SFMBT2: variants seen among roughly 807,000 people sequenced by gnomAD.
The protein encoded by SFMBT2 is scm-like with four MBT domains protein 2.
Under a neutral mutation model 110.1 loss-of-function variants are expected in SFMBT2, and 38 were observed. That is an observed-to-expected ratio of 0.35 (90% CI 0.27 to 0.45). The LOEUF (loss-of-function observed/expected upper bound fraction) is 0.45, where lower values mean the gene tolerates loss of function less well. Ranked by LOEUF, SFMBT2 falls within the 20% of genes least tolerant of loss-of-function variation. SFMBT2 has a pLI of 1.00. For synonymous variants in SFMBT2, 425 were observed against 425.4 expected (o/e 1.00, Z 0.01); for missense variants, 1,011 against 1,094.9 (o/e 0.92, Z 1.08).
At chr10:7,213,440 C>T (rs1304260773) in intron 11 of SFMBT2, among the ~76,000 whole-genome samples, 2 of 151,574 alleles carry the variant, frequency 1.3e-5, no homozygotes, top group African/African-American at 2.4e-5. Context: ...GGCGGAGGTC[C>T]GGACTGAAGT....
At chr10:7,311,865 A>G (rs979490581) in intron 4 of SFMBT2, among the ~76,000 whole-genome samples, 4 of 152,210 alleles carry the variant, frequency 2.6e-5, no homozygotes, top group African/African-American at 9.7e-5. Context: ...CAATTCCTGA[A>G]AAGGTCATTT....
At chr10:7,182,457 A>G (rs1188902536) in intron 16 of SFMBT2, among the ~76,000 whole-genome samples, 1 of 152,136 alleles carries the variant, frequency 6.6e-6, no homozygotes, top group Non-Finnish European at 1.5e-5. Flanking sequence ...GATGTGTGAA[A>G]AGAACAACCC....
intron 5 of SFMBT2, 115 bp from the exon 6 acceptor site, chr10:7,284,265 C>G: frequency 2.7e-6 from 4 of 1,505,054 alleles, no homozygotes; most frequent in South Asian, 1.4e-5. Flanking sequence ...TACTGGCGAA[C>G]AGTCTGGCGT....
At chr10:7,204,010 C>A (rs1328648975) in intron 12 of SFMBT2, 3 of 241,812 alleles carry the variant, frequency 1.2e-5, no homozygotes, top group African/African-American at 6.9e-5. Context: ...AGCCACCACG[C>A]CTGGCCAGAA....
rs761888158 is a variant in SFMBT2 at position 7,172,066 on chromosome 10, C to T, written c.2244G>A (p.Ser748=). ...GCCGGGCCGAGGGCACCTCCGCCGA[C>T]GAGGTGTCCGTCTGGTCATCCCGGA... The part of the protein sequence containing the change: ...SELRDDQTDT[S]SAEVPSARPR... The change falls in exon 19 of 21, where the codon TCG becomes TCA. Residue 748 remains serine, a synonymous_variant. Transcript: ENST00000397167. The surrounding 1 kb of genome is among the most constrained non-coding windows in gnomAD (Gnocchi z 4.6). 6.9e-5 allele frequency: 110 copies of T among 1,604,598 alleles called. No individual in the cohort carries two copies. The Admixed American group carries it at 1.4e-3, about 20-fold the overall frequency.
Position 7,411,014 on chromosome 10 carries a change from C to T in SFMBT2, c.-205G>A, listed in dbSNP as rs1219310682. Among the ~76,000 whole-genome samples, 1 of 150,894 alleles carries T rather than the reference C, an allele frequency of 6.6e-6. No individual in the cohort carries two copies. The highest frequency in any genetic ancestry group is 1.5e-5 in the Non-Finnish European group (1 of 67,708). ...GCGCCCGCTCCGGTCCTCCGGCTCC[C>T]ACTACAGCTCATTCCAATATGGCAT... On this transcript the variant is annotated 5_prime_UTR_variant, in exon 1 of 21. Transcript: ENST00000397167.
chr10:7,168,890 G>C (rs916527833), intron 20 of SFMBT2, among the ~76,000 whole-genome samples: 1 of 152,190 alleles, frequency 6.6e-6, no homozygotes, highest in African/African-American at 2.4e-5. Context: ...GAGTTGTCCA[G>C]ACAGGAAGGG....
At chr10:7,296,012 C>T (rs55824097) in intron 4 of SFMBT2, among the ~76,000 whole-genome samples, 11,048 of 152,214 alleles carry the variant, frequency 0.073, 536 homozygotes, top group Non-Finnish European at 0.11. Flanking sequence ...AAACCATTTA[C>T]GACTTTCTCA....
chr10:7,214,462 T>C (rs1052208446), intron 11 of SFMBT2: 6 of 710,264 alleles, frequency 8.4e-6, no homozygotes, highest in South Asian at 6.4e-5. Context: ...CACCGGACAA[T>C]TGCAGAGTGA....
intron 4 of SFMBT2, among the ~76,000 whole-genome samples, chr10:7,361,286 T>C (rs1844709621): frequency 1.3e-5 from 2 of 152,238 alleles, no homozygotes; most frequent in African/African-American, 4.8e-5. Context: ...AAATGTCATT[T>C]ACATTATAAA....
intron 1 of SFMBT2, among the ~76,000 whole-genome samples, chr10:7,398,099 A>G (rs1255234967): frequency 1.3e-5 from 2 of 152,246 alleles, no homozygotes; most frequent in Non-Finnish European, 2.9e-5. Flanking sequence ...CCCTGGCATA[A>G]GAAATGCTAA....
In SFMBT2 at chr10:7,410,658, C is replaced by T. The variant is rs542836889; in HGVS notation, c.-52+203G>A. Among the ~76,000 whole-genome samples the T allele has an allele frequency of 1.9e-3, 291 of 152,168 alleles. 2 individuals are homozygous for T. The highest frequency in any genetic ancestry group is 3.0e-3 in the Non-Finnish European group (207 of 67,990). On this transcript the variant is annotated intron_variant, in intron 1 of 20. Transcript: ENST00000397167. ...AGTCGCTTTCTTCTCCTGCCCTTCTCTTTCGCTCCCCTGCACCCTCCCCAG... is the reference window on the plus strand; with the variant it reads ...AGTCGCTTTCTTCTCCTGCCCTTCTTTTTCGCTCCCCTGCACCCTCCCCAG...
intron 4 of SFMBT2, among the ~76,000 whole-genome samples, chr10:7,327,550 G>A (rs746039955): frequency 1.2e-4 from 18 of 152,148 alleles, no homozygotes; most frequent in Admixed American, 3.3e-4. Context: ...GTGTGGTAGC[G>A]TGTGCCTGTA....
At chr10:7,291,016 A>G (rs1223451835) in intron 4 of SFMBT2, among the ~76,000 whole-genome samples, 1 of 152,206 alleles carries the variant, frequency 6.6e-6, no homozygotes, top group East Asian at 1.9e-4. Context: ...ACCTGTGTAG[A>G]CCGGGCTGTG....
chr10:7,222,372 G>A (rs572760748), intron 10 of SFMBT2, among the ~76,000 whole-genome samples: 10 of 152,302 alleles, frequency 6.6e-5, no homozygotes, highest in East Asian at 1.9e-4. Context: ...GGCAAAATAC[G>A]ACAGACTGTG....
chr10:7,377,517 T>A (rs973554319), intron 2 of SFMBT2, among the ~76,000 whole-genome samples: 16 of 152,148 alleles, frequency 1.1e-4, no homozygotes, highest in African/African-American at 3.9e-4. Context: ...TGATATAGAA[T>A]CAGTGGGAAT....
chr10:7,367,625 G>A lies in SFMBT2; in HGVS notation c.436+24C>T, dbSNP rs771746541. 23 of 1,597,338 alleles carry A rather than the reference G, an allele frequency of 1.4e-5. No homozygotes were observed. Among genetic ancestry groups the A allele is most frequent in the Middle Eastern group, 2.1e-4 (1 of 4,664 alleles). ...CATGAAGGATGGCGGCTCGTAAATC[G>A]AAGCCTTTGAAACAGGGGCTCACCG... On this transcript the variant is annotated intron_variant, in intron 4 of 20. Transcript: ENST00000397167. The surrounding 1 kb of genome is among the most constrained non-coding windows in gnomAD (Gnocchi z 6.2).
At chr10:7,342,564 G>A (rs1044482297) in intron 4 of SFMBT2, among the ~76,000 whole-genome samples, 127 of 151,856 alleles carry the variant, frequency 8.4e-4, no homozygotes, top group South Asian at 2.3e-3. Flanking sequence ...ACCCGCCACC[G>A]CGCCCAGCTA....
chr10:7,198,795 C>T (rs1291336148), intron 14 of SFMBT2, among the ~76,000 whole-genome samples: 3 of 152,026 alleles, frequency 2.0e-5, no homozygotes, highest in South Asian at 4.1e-4. Flanking sequence ...AATCCTAGCA[C>T]TTTGGGAGGC....
Sources: allele counts gnomAD v4.1 joint callset (sites outside exome capture counted in the v4.1 genomes callset), GRCh38; gene constraint gnomAD v4.1.1; non-coding constraint Gnocchi (gnomAD v3.1); transcripts MANE v1.5; gene names NCBI Gene and HGNC (gene_info 2026-07-23, HGNC 2026-07-21).